RBMS1: variants seen among roughly 807,000 people sequenced by gnomAD.
RBMS1 encodes the protein RNA-binding motif, single-stranded-interacting protein 1.
A neutral mutation model predicts 62.3 loss-of-function variants in RBMS1; 17 were observed. The ratio of observed to expected loss-of-function variants is 0.27; its 90% CI spans 0.19 to 0.41. The LOEUF is 0.41. Ranked by LOEUF, RBMS1 falls within the 10% of genes least tolerant of loss-of-function variation. The pLI is 1.00. For synonymous variants in RBMS1, 172 were observed against 170.0 expected (o/e 1.01, Z -0.09); for missense variants, 334 against 504.5 (o/e 0.66, Z 3.24).
intron 1 of RBMS1, among the ~76,000 whole-genome samples, chr2:160,414,708 A>C (rs1173977523): frequency 6.6e-6 from 1 of 152,148 alleles, no homozygotes; most frequent in African/African-American, 2.4e-5. Context: ...AGGGTTATCT[A>C]TAAGTTTCTG....
Position 160,284,868 on chromosome 2 carries a change from T to C in RBMS1, c.807A>G (p.Gly269=). 1.3e-6 allele frequency: 2 copies of C among 1,598,602 alleles called. No individual in the cohort carries two copies. The highest frequency in any genetic ancestry group is 1.7e-6 in the Non-Finnish European group (2 of 1,167,332). ...YDPTTAAIQN[G]FYPSPYSIAT... ...CAATACTGTATGGTGAAGGATAAAATCTAGAACAAACACAAAAGCCTTTAT... is the reference window on the plus strand; with the variant it reads ...CAATACTGTATGGTGAAGGATAAAACCTAGAACAAACACAAAAGCCTTTAT... The change falls in exon 9 of 14, where the codon GGA becomes GGG. Residue 269 remains glycine (G), a splice_region_variant and synonymous_variant. Coordinates refer to ENST00000348849, the MANE Select transcript of RBMS1 (RefSeq NM_016836.4).
At chr2:160,311,224 C>CCATATATA (rs71297446) in intron 4 of RBMS1, among the ~76,000 whole-genome samples, 1,024 of 56,444 alleles carry the variant, frequency 0.018, 69 homozygotes, top group Admixed American at 0.027. Flanking sequence ...ATCTATCTAT[C>CCATATATA]TATCTATCTA....
At chr2:160,378,689 C>T (rs76280912) in intron 1 of RBMS1, among the ~76,000 whole-genome samples, 3,217 of 151,858 alleles carry the variant, frequency 0.021, 120 homozygotes, top group African/African-American at 0.072. Flanking sequence ...CCAATTTAAC[C>T]GGCTTGAATT....
At chr2:160,356,447 C>A (rs1692806738) in intron 2 of RBMS1, among the ~76,000 whole-genome samples, 1 of 151,964 alleles carries the variant, frequency 6.6e-6, no homozygotes, top group Non-Finnish European at 1.5e-5. Context: ...GATGAGGAAG[C>A]AAGGGTGCTG....
At chr2:160,340,282 A>G (rs1267700456) in intron 2 of RBMS1, among the ~76,000 whole-genome samples, 1 of 152,174 alleles carries the variant, frequency 6.6e-6, no homozygotes, top group East Asian at 1.9e-4. Flanking sequence ...AAACATCTCT[A>G]ATTCTGCTCA....
intron 1 of RBMS1, among the ~76,000 whole-genome samples, chr2:160,444,304 C>CA (rs1301199951): frequency 5.9e-5 from 9 of 152,086 alleles, no homozygotes; most frequent in Non-Finnish European, 1.2e-4. Context: ...ATCCTGATGC[C>CA]AAAAATCATT....
intron 10 of RBMS1, 184 bp from the exon 11 acceptor site, chr2:160,278,842 G>C (rs1031660797): frequency 1.8e-6 from 1 of 541,696 alleles, no homozygotes; most frequent in Non-Finnish European, 3.3e-6. Context: ...CTCTTCCTGA[G>C]AGTTTTTTAA....
At chr2:160,360,987 A>C (rs1201070289) in intron 2 of RBMS1, among the ~76,000 whole-genome samples, 2 of 152,220 alleles carry the variant, frequency 1.3e-5, no homozygotes, top group Non-Finnish European at 2.9e-5. Flanking sequence ...TTTCAAAAAT[A>C]TTTCATTTTA....
intron 1 of RBMS1, among the ~76,000 whole-genome samples, chr2:160,453,634 T>A (rs1304977121): frequency 6.6e-6 from 1 of 152,154 alleles, no homozygotes; most frequent in Non-Finnish European, 1.5e-5. Context: ...CACTCCAGCA[T>A]CATGTTTCTC....
intron 3 of RBMS1, among the ~76,000 whole-genome samples, chr2:160,315,338 A>G (rs1231933252): frequency 6.6e-6 from 1 of 152,172 alleles, no homozygotes; most frequent in East Asian, 1.9e-4. Flanking sequence ...ATACAATTTG[A>G]GTTATACAGA....
intron 1 of RBMS1, among the ~76,000 whole-genome samples, chr2:160,408,143 C>T (rs1415234989): frequency 6.6e-6 from 1 of 151,902 alleles, no homozygotes; most frequent in Non-Finnish European, 1.5e-5. Context: ...CCGCACATTC[C>T]TCGGAGTAGC....
chr2:160,284,555 A>G, intron 9 of RBMS1: 1 of 530,790 alleles, frequency 1.9e-6, no homozygotes, highest in East Asian at 3.3e-5. Context: ...CTATGATTCC[A>G]AGGACTGACC....
intron 1 of RBMS1, among the ~76,000 whole-genome samples, chr2:160,389,689 CTCT>C (rs1694756119): frequency 1.1e-5 from 1 of 92,100 alleles, no homozygotes; most frequent in Admixed American, 1.9e-4. Flanking sequence ...CAGAGCAAGA[CTCT>C]TGTCTCAAAA....
At chr2:160,382,956 G>A (rs960034602) in intron 1 of RBMS1, among the ~76,000 whole-genome samples, 1 of 151,982 alleles carries the variant, frequency 6.6e-6, no homozygotes. Context: ...GCTCCTGTCA[G>A]GAAACGTAAA....
chr2:160,297,730 A>T (rs1390047526), intron 6 of RBMS1, among the ~76,000 whole-genome samples: 1 of 152,222 alleles, frequency 6.6e-6, no homozygotes, highest in Non-Finnish European at 1.5e-5. Flanking sequence ...AGGGAACCAA[A>T]GGGATCTGGG....
At chr2:160,278,918 C>T in intron 10 of RBMS1, 1 of 295,470 alleles carries the variant, frequency 3.4e-6, no homozygotes, top group Non-Finnish European at 6.3e-6. Context: ...AGCCAGTGTC[C>T]CTCTTCTCCT....
intron 1 of RBMS1, among the ~76,000 whole-genome samples, chr2:160,490,819 T>G (rs908808907): frequency 3.3e-5 from 5 of 152,308 alleles, no homozygotes; most frequent in African/African-American, 1.2e-4. Context: ...TAGATGACCA[T>G]GCCATTCTTC....
At position 160,274,145 on chromosome 2, in the gene RBMS1, C is replaced by G. The variant is rs1489287433; in HGVS notation, c.*627G>C. The G allele has an allele frequency of 6.6e-6, 1 of 152,602 alleles. No homozygotes were observed. The highest frequency in any genetic ancestry group is 2.4e-5 in the African/African-American group (1 of 41,424). 9.5% of individuals were successfully genotyped at this position (152,602 alleles called of 1,614,324 possible). A position where few individuals can be genotyped will look rare whatever the true frequency, so the allele number is the denominator to read the frequency against. On this transcript the variant is annotated 3_prime_UTR_variant, in exon 14 of 14. Coordinates refer to ENST00000348849, the MANE Select transcript of RBMS1 (RefSeq NM_016836.4). ...GAACTAACTTTTACTGAAACAGCTA[C>G]AGCATCAAAAGAGTTAAGGCAAATT...
chr2:160,473,968 A>G (rs1685028064), intron 1 of RBMS1, among the ~76,000 whole-genome samples: 1 of 152,178 alleles, frequency 6.6e-6, no homozygotes, highest in South Asian at 2.1e-4. Flanking sequence ...AGAAGAACTC[A>G]TGTTGTAGAG....
Sources: gnomAD v4.1 joint callset for allele counts (sites outside exome capture counted in the v4.1 genomes callset) on GRCh38, gnomAD v4.1.1 for gene constraint, MANE v1.5 for transcripts, NCBI Gene and HGNC (gene_info 2026-07-23, HGNC 2026-07-21) for gene names.